ZFHX3: variants seen among roughly 807,000 people sequenced by gnomAD.
The protein encoded by ZFHX3 is zinc finger homeobox 3, also known as zinc finger homeobox protein 3.
ZFHX3 carries 42 observed loss-of-function variants against 279.1 expected under a neutral mutation model. The ratio of observed to expected loss-of-function variants is 0.15; its 90% CI spans 0.12 to 0.19. The LOEUF (loss-of-function observed/expected upper bound fraction) is 0.19, where lower values mean the gene tolerates loss of function less well. ZFHX3 is among the 10% of genes least tolerant of loss of function. The pLI, the probability that ZFHX3 is intolerant of heterozygous loss-of-function variation, is 1.00. For synonymous variants in ZFHX3, 2,293 were observed against 1,957.8 expected, an observed-to-expected ratio of 1.17 and a Z score of -4.52; for missense variants, 4,981 against 4,754.0, an observed-to-expected ratio of 1.05 and a Z score of -1.40.
At chr16:73,714,716 T>C (rs1024029488) in intron 1 of ZFHX3, among the ~76,000 whole-genome samples, 4 of 152,224 alleles carry the variant, frequency 2.6e-5, no homozygotes, top group Non-Finnish European at 2.9e-5. Flanking sequence ...TCATGAAGAC[T>C]ACGATTATTT....
chr16:72,793,412 G>A lies in ZFHX3; in HGVS notation c.9270C>T (p.Val3090=), dbSNP rs1329967420. 1.2e-6 allele frequency: 2 copies of A among 1,614,058 alleles called. No individual in the cohort carries two copies. The highest frequency in any genetic ancestry group is 1.7e-6 in the Non-Finnish European group (2 of 1,180,042). Residue 3090 remains valine (V), a synonymous_variant, in exon 9 of 10, where the codon GTC becomes GTT. Coordinates refer to ENST00000268489, the MANE Select transcript of ZFHX3 (RefSeq NM_006885.4). The surrounding 1 kb of genome is among the most constrained non-coding windows in gnomAD (Gnocchi z 4.3). ...ELDRIKKANE[V]LGLAAQQQGM... is the part of the protein sequence containing the mutation. ...CTTGCTGCTGAGCTGCCAGTCCAAGGACCTCGTTGGCCTTTTTAATCCGGT... is the reference window on the plus strand; with the variant it reads ...CTTGCTGCTGAGCTGCCAGTCCAAGAACCTCGTTGGCCTTTTTAATCCGGT...
intron 8 of ZFHX3, among the ~76,000 whole-genome samples, chr16:73,089,006 T>C (rs1966041539): frequency 6.6e-6 from 1 of 152,162 alleles, no homozygotes; most frequent in Admixed American, 6.5e-5. Context: ...GCATTTGAAC[T>C]TAACATAGCC....
At chr16:73,649,190 T>G (rs1377122966) in intron 2 of ZFHX3, among the ~76,000 whole-genome samples, 32 of 152,310 alleles carry the variant, frequency 2.1e-4, no homozygotes, top group Non-Finnish European at 2.4e-4. Flanking sequence ...AGGCAAGTAA[T>G]GAGTTACTGC....
chr16:73,788,321 A>G (rs1249666639), intron 1 of ZFHX3, among the ~76,000 whole-genome samples: 2 of 152,194 alleles, frequency 1.3e-5, no homozygotes, highest in Non-Finnish European at 2.9e-5. Context: ...CAGTGGATAA[A>G]GGTCATCCCC....
chr16:73,792,426 G>A (rs1959853486), intron 1 of ZFHX3, among the ~76,000 whole-genome samples: 1 of 152,154 alleles, frequency 6.6e-6, no homozygotes, highest in African/African-American at 2.4e-5. Flanking sequence ...AAAGGAGCTG[G>A]CAATACTAAA....
intron 3 of ZFHX3, among the ~76,000 whole-genome samples, chr16:73,410,831 A>T (rs751521782): frequency 6.6e-6 from 1 of 152,214 alleles, no homozygotes; most frequent in Non-Finnish European, 1.5e-5. Flanking sequence ...CACAAGCATG[A>T]TTCCATCTCC....
intron 3 of ZFHX3, among the ~76,000 whole-genome samples, chr16:73,429,269 T>A (rs2017867888): frequency 6.6e-6 from 1 of 152,156 alleles, no homozygotes; most frequent in Non-Finnish European, 1.5e-5. Context: ...CCTTCCCCCA[T>A]GCCCAAGGGG....
intron 5 of ZFHX3, among the ~76,000 whole-genome samples, chr16:73,159,778 T>G (rs934259738): frequency 2.0e-5 from 3 of 152,218 alleles, no homozygotes; most frequent in African/African-American, 7.2e-5. Context: ...ATTATTATTT[T>G]TTGATATAGA....
chr16:73,488,921 G>GTT (rs748421789), intron 2 of ZFHX3, among the ~76,000 whole-genome samples: 2 of 152,154 alleles, frequency 1.3e-5, no homozygotes, highest in African/African-American at 4.8e-5. Context: ...TTCTTCATCT[G>GTT]TAAAATGGAA....
chr16:73,466,674 T>C (rs1357388108), intron 2 of ZFHX3, among the ~76,000 whole-genome samples: 1 of 152,192 alleles, frequency 6.6e-6, no homozygotes, highest in Non-Finnish European at 1.5e-5. Flanking sequence ...AGTACTTAGA[T>C]GACTCCTGGC....
At chr16:73,013,288 T>A (rs1040356615) in intron 1 of ZFHX3, among the ~76,000 whole-genome samples, 6 of 152,150 alleles carry the variant, frequency 3.9e-5, no homozygotes, top group East Asian at 1.9e-4. Context: ...TCTTTATTTT[T>A]TTATTATTAT....
chr16:73,100,242 C>A (rs2144786910), intron 7 of ZFHX3, among the ~76,000 whole-genome samples: 1 of 152,242 alleles, frequency 6.6e-6, no homozygotes, highest in Admixed American at 6.5e-5. Context: ...ATAGACAGTG[C>A]AGAGAAGACA....
intron 1 of ZFHX3, among the ~76,000 whole-genome samples, chr16:73,008,034 A>T (rs1963778052): frequency 6.6e-6 from 1 of 152,030 alleles, no homozygotes. Context: ...CTTTTTTCCC[A>T]AATAGCTTTT....
At chr16:73,770,714 A>G (rs903734458) in intron 1 of ZFHX3, among the ~76,000 whole-genome samples, 1 of 152,188 alleles carries the variant, frequency 6.6e-6, no homozygotes, top group Non-Finnish European at 1.5e-5. Flanking sequence ...TTCTTACGAC[A>G]TCTCCAATGA....
chr16:73,887,904 T>A (rs546503647), intron 1 of ZFHX3, among the ~76,000 whole-genome samples: 3 of 152,244 alleles, frequency 2.0e-5, no homozygotes, highest in Admixed American at 2.0e-4. Context: ...GATGAGCAAA[T>A]TTCAAGAGAA....
chr16:73,847,780 C>G (rs1014955430), intron 1 of ZFHX3, among the ~76,000 whole-genome samples: 7 of 151,942 alleles, frequency 4.6e-5, no homozygotes, highest in Admixed American at 3.9e-4. Flanking sequence ...CTCTATTGCC[C>G]AGGGTGGAGT....
chr16:73,567,128 T>C (rs2020463147), intron 2 of ZFHX3, among the ~76,000 whole-genome samples: 1 of 152,182 alleles, frequency 6.6e-6, no homozygotes, highest in African/African-American at 2.4e-5. Flanking sequence ...GGATTACCGA[T>C]GGGTCCCTCT....
chr16:72,903,080 G>C (rs1385801334), intron 3 of ZFHX3, among the ~76,000 whole-genome samples: 2 of 142,944 alleles, frequency 1.4e-5, no homozygotes, highest in South Asian at 2.1e-4. Context: ...GGGCTCTATG[G>C]GGAACCCATG....
Position 73,340,488 on chromosome 16 carries a change from C to T in ZFHX3, c.-1290-22152G>A, listed in dbSNP as rs13337240. ...CCTCCCACCTCAGCCTCCTGAGTAGCTGGGATTATAGGTGCATGCCATCAC... is the reference window on the plus strand; with the variant it reads ...CCTCCCACCTCAGCCTCCTGAGTAGTTGGGATTATAGGTGCATGCCATCAC... On this transcript the variant is annotated intron_variant, in intron 3 of 17. Coordinates refer to the ZFHX3 transcript ENST00000641206. 5.9e-3 allele frequency among the ~76,000 whole-genome samples: 902 copies of T among 152,302 alleles called. 9 individuals carry two copies. Among genetic ancestry groups the T allele is most frequent in the African/African-American group, 0.019 (804 of 41,560 alleles).
Sources: allele counts gnomAD v4.1 joint callset (sites outside exome capture counted in the v4.1 genomes callset), GRCh38; gene constraint gnomAD v4.1.1; non-coding constraint Gnocchi (gnomAD v3.1); transcripts MANE v1.5; gene names NCBI Gene and HGNC (gene_info 2026-07-23, HGNC 2026-07-21).